Variants in ATL3 observed in about 807,000 individuals in gnomAD.
ATL3 encodes the protein atlastin-3.
A neutral mutation model predicts 69.5 loss-of-function variants in ATL3; 49 were observed. The ratio of observed to expected loss-of-function variants is 0.71; its 90% CI spans 0.56 to 0.89. ATL3 has a LOEUF of 0.89. Among genes scored for constraint, ATL3 ranks in the 40% least tolerant of loss-of-function variants. The pLI is 0.00. For synonymous variants in ATL3, 214 were observed against 224.1 expected, an observed-to-expected ratio of 0.95 and a Z score of 0.40; for missense variants, 606 against 645.7, an observed-to-expected ratio of 0.94 and a Z score of 0.67.
At chr11:63,657,051 AATACAAAAATT>A (rs1454595063) in intron 3 of ATL3, among the ~76,000 whole-genome samples, 4 of 151,686 alleles carry the variant, frequency 2.6e-5, no homozygotes, top group African/African-American at 4.8e-5. Context: ...CTCTACTAAA[AATACAAAAATT>A]ATCCAGGCAT....
intron 7 of ATL3, 42 bp from the exon 8 acceptor site, chr11:63,643,537 G>C: frequency 6.3e-7 from 1 of 1,577,162 alleles, no homozygotes; most frequent in Non-Finnish European, 8.6e-7. Context: ...AAAGTCATTT[G>C]GTTTTCTTCA....
At chr11:63,649,814 T>A (rs555807218) in intron 5 of ATL3, among the ~76,000 whole-genome samples, 4 of 152,226 alleles carry the variant, frequency 2.6e-5, no homozygotes, top group Non-Finnish European at 5.9e-5. Context: ...GAATATAATT[T>A]CTAATTTATC....
chr11:63,665,386 C>T (rs547238856), intron 1 of ATL3, among the ~76,000 whole-genome samples: 1 of 150,486 alleles, frequency 6.6e-6, no homozygotes, highest in East Asian at 2.0e-4. Context: ...CAGTTGTGTA[C>T]AGTGAACTGC....
intron 6 of ATL3, among the ~76,000 whole-genome samples, chr11:63,645,399 CAA>C (rs36044347): frequency 7.1e-6 from 1 of 140,540 alleles, no homozygotes. Flanking sequence ...AACTCCATCT[CAA>C]AAAAAAAAAA....
chr11:63,663,808 A>T (rs1940493935), intron 1 of ATL3, among the ~76,000 whole-genome samples: 1 of 152,188 alleles, frequency 6.6e-6, no homozygotes. Context: ...TATATAATAG[A>T]TTTTTAGCTG....
At chr11:63,671,605 C>A, upstream of ATL3, 1 of 1,427,342 alleles carries the variant, frequency 7.0e-7, no homozygotes, top group Non-Finnish European at 9.2e-7. Flanking sequence ...CCACCGCCTG[C>A]CGCGTGTGCG....
chr11:63,655,060 G>A (rs914168266), intron 3 of ATL3, among the ~76,000 whole-genome samples: 2 of 152,034 alleles, frequency 1.3e-5, no homozygotes, highest in Non-Finnish European at 2.9e-5. Context: ...GTTGGGTGCT[G>A]GTTATTTTTG....
chr11:63,646,343 G>C (rs1939879759), intron 6 of ATL3, among the ~76,000 whole-genome samples, 164 bp downstream of exon 6: 1 of 152,072 alleles, frequency 6.6e-6, no homozygotes, highest in Admixed American at 6.6e-5. Flanking sequence ...TCATAAAATA[G>C]TACTGCTCAT....
rs1565266337 is a variant in ATL3, at chr11:63,629,286, GT to G, written c.*32del. The G allele has an allele frequency of 6.4e-7, 1 of 1,570,264 alleles. No homozygotes were observed. The highest frequency in any genetic ancestry group is 1.7e-5 in the Admixed American group (1 of 59,950). On this transcript the variant is annotated 3_prime_UTR_variant, in exon 13 of 13. Coordinates refer to ENST00000398868, the MANE Select transcript of ATL3 (RefSeq NM_015459.5). ...GAAACCCAGAAATCAGTAGGGGCTT[GT>G]TGTGTTCTTGTTTGATCTTCACGTT... is the stretch of plus-strand genomic sequence containing the variant.
intron 8 of ATL3, among the ~76,000 whole-genome samples, chr11:63,640,241 T>C (rs1939651927): frequency 6.6e-6 from 1 of 152,212 alleles, no homozygotes; most frequent in Non-Finnish European, 1.5e-5. Flanking sequence ...TTATCCTTTT[T>C]AATGACTGCA....
chr11:63,630,555 T>C (rs2134460329), intron 12 of ATL3, among the ~76,000 whole-genome samples: 1 of 152,088 alleles, frequency 6.6e-6, no homozygotes, highest in East Asian at 1.9e-4. Context: ...CCCAGCACTT[T>C]GGGAGGCCGA....
chr11:63,644,822 T>C (rs908353852), intron 6 of ATL3, among the ~76,000 whole-genome samples: 1 of 152,186 alleles, frequency 6.6e-6, no homozygotes, highest in Admixed American at 6.5e-5. Context: ...AAGGAAGACA[T>C]TAATGAGAAA....
chr11:63,654,699 A>ATTTTT (rs545924501), intron 3 of ATL3, among the ~76,000 whole-genome samples: 1 of 132,590 alleles, frequency 7.5e-6, no homozygotes, highest in Admixed American at 7.7e-5. Flanking sequence ...TGTCTGGCCT[A>ATTTTT]TTTTTTTTTT....
intron 8 of ATL3, 127 bp downstream of exon 8, chr11:63,643,230 A>C: frequency 9.5e-7 from 1 of 1,049,244 alleles, no homozygotes; most frequent in Non-Finnish European, 1.3e-6. Flanking sequence ...TCTGAACTAG[A>C]CTTTAAATAC....
At chr11:63,660,237 A>C (rs1221647224) in intron 1 of ATL3, among the ~76,000 whole-genome samples, 2 of 152,196 alleles carry the variant, frequency 1.3e-5, no homozygotes, top group Non-Finnish European at 2.9e-5. Context: ...CAAAGGACCC[A>C]CATCCAGCAT....
At chr11:63,645,600 GTGTT>G (rs1361697788) in intron 6 of ATL3, among the ~76,000 whole-genome samples, 1 of 151,844 alleles carries the variant, frequency 6.6e-6, no homozygotes, top group Non-Finnish European at 1.5e-5. Context: ...GTGTATGTGT[GTGTT>G]TGTGTTGAGA....
intron 4 of ATL3, among the ~76,000 whole-genome samples, 159 bp downstream of exon 4, chr11:63,652,312 C>T (rs1472920152): frequency 6.6e-6 from 1 of 152,104 alleles, no homozygotes; most frequent in Non-Finnish European, 1.5e-5. Flanking sequence ...TTCTTTGGCT[C>T]CTTCTCAAAC....
At chr11:63,635,339 C>T (rs1939478450) in intron 10 of ATL3, among the ~76,000 whole-genome samples, 195 bp downstream of exon 10, 1 of 151,978 alleles carries the variant, frequency 6.6e-6, no homozygotes, top group South Asian at 2.1e-4. Flanking sequence ...TTTAACTGTA[C>T]CACCATGAAT....
chr11:63,631,604 G>C (rs1939321394), intron 11 of ATL3, 133 bp from the exon 12 acceptor site: 2 of 819,190 alleles, frequency 2.4e-6, no homozygotes, highest in African/African-American at 3.5e-5. Context: ...ACTTTTAAAA[G>C]ATGACTAAGA....
Sources: allele counts gnomAD v4.1 joint callset (sites outside exome capture counted in the v4.1 genomes callset), GRCh38; gene constraint gnomAD v4.1.1; transcripts MANE v1.5; gene names NCBI Gene and HGNC (gene_info 2026-07-23, HGNC 2026-07-21).